LRIG2: variants seen among roughly 807,000 people sequenced by gnomAD.
LRIG2 encodes the protein leucine-rich repeats and immunoglobulin-like domains protein 2.
Under a neutral mutation model 107.8 loss-of-function variants are expected in LRIG2, and 93 were observed. That is an observed-to-expected ratio of 0.86 (90% confidence interval 0.73 to 1.03). The LOEUF is 1.03. Among genes scored for constraint, LRIG2 ranks in the 50% least tolerant of loss-of-function variants. The pLI, the probability that LRIG2 is intolerant of heterozygous loss-of-function variation, is 0.00. For missense variants in LRIG2, 1,226 were observed against 1,296.0 expected, an observed-to-expected ratio of 0.95 and a Z score of 0.83; for synonymous variants, 471 against 470.6, an observed-to-expected ratio of 1.00 and a Z score of -0.01.
At chr1:113,108,404 A>C (rs1359699541) in intron 12 of LRIG2, among the ~76,000 whole-genome samples, 1 of 150,956 alleles carries the variant, frequency 6.6e-6, no homozygotes, top group Non-Finnish European at 1.5e-5. Flanking sequence ...TTGTATGTTT[A>C]GTAGAGACGG....
At chr1:113,096,623 T>G (rs1654080499) in intron 8 of LRIG2, among the ~76,000 whole-genome samples, 1 of 152,204 alleles carries the variant, frequency 6.6e-6, no homozygotes, top group East Asian at 1.9e-4. Flanking sequence ...TTGTGTTAGT[T>G]GCTGTGGAAT....
intron 16 of LRIG2, among the ~76,000 whole-genome samples, chr1:113,118,119 A>G (rs1167677904): frequency 6.6e-6 from 1 of 151,768 alleles, no homozygotes; most frequent in Non-Finnish European, 1.5e-5. Flanking sequence ...GGGTTTCACC[A>G]TATTGGCCAG....
intron 11 of LRIG2, among the ~76,000 whole-genome samples, chr1:113,101,365 C>T (rs1472746226): frequency 6.6e-6 from 1 of 151,876 alleles, no homozygotes; most frequent in Non-Finnish European, 1.5e-5. Flanking sequence ...ACCGGTCCCG[C>T]CTGGTATTAT....
At chr1:113,097,350 C>G (rs564988643) in intron 8 of LRIG2, among the ~76,000 whole-genome samples, 8 of 152,036 alleles carry the variant, frequency 5.3e-5, no homozygotes, top group Admixed American at 4.6e-4. Context: ...CATTAGGTTT[C>G]GAGTTGAAAT....
chr1:113,087,948 C>T (rs1020826832), intron 1 of LRIG2, among the ~76,000 whole-genome samples: 1 of 152,176 alleles, frequency 6.6e-6, no homozygotes, highest in African/African-American at 2.4e-5. Context: ...GCTTACAACC[C>T]TAGCGCTTAG....
chr1:113,118,241 A>C lies in LRIG2; in HGVS notation c.2681-992A>C, dbSNP rs578016583. Reference sequence around the variant, plus strand: ...GCCTGTTGCATGATTTTGAATAAGTAACTCACTCTTTATTTCTCACTCTCT... The same window carrying C: ...GCCTGTTGCATGATTTTGAATAAGTCACTCACTCTTTATTTCTCACTCTCT... On this transcript the variant is annotated intron_variant, in intron 16 of 17. Transcript: ENST00000361127. Among the ~76,000 whole-genome samples the C allele has an allele frequency of 2.0e-5, 3 of 152,284 alleles. No homozygotes were observed. The South Asian group carries it at 6.2e-4, about 32-fold the overall frequency.
rs1159769900 is a variant in LRIG2 at position 113,128,163 on chromosome 1, C to G, written c.*4062C>G. The G allele has an allele frequency of 2.0e-5, 3 of 149,912 alleles. No individual in the cohort carries two copies. The highest frequency in any genetic ancestry group is 3.0e-5 in the Non-Finnish European group (2 of 66,890). The allele number at this position is 149,912 out of a possible 1,614,324, so 9.3% of individuals were successfully genotyped here. ...CATTTATTCATACTTATTTTCAATC[C>G]TAAGTGTTCTCCCATGGGCAGCAGC... On this transcript the variant is annotated 3_prime_UTR_variant, in exon 18 of 18. Transcript: ENST00000361127.
At chr1:113,092,197 G>C (rs1422454700) in intron 2 of LRIG2, among the ~76,000 whole-genome samples, 1 of 152,170 alleles carries the variant, frequency 6.6e-6, no homozygotes, top group East Asian at 1.9e-4. Flanking sequence ...GAGCTTTATT[G>C]CATGGACTTT....
At chr1:113,123,193 A>G (rs557438444) in intron 17 of LRIG2, among the ~76,000 whole-genome samples, 1 of 152,244 alleles carries the variant, frequency 6.6e-6, no homozygotes, top group Non-Finnish European at 1.5e-5. Context: ...CACTGAATCA[A>G]TGATTATTAC....
At chr1:113,077,487 G>A (rs1241685884) in intron 1 of LRIG2, among the ~76,000 whole-genome samples, 3 of 152,090 alleles carry the variant, frequency 2.0e-5, no homozygotes, top group Non-Finnish European at 4.4e-5. Context: ...AACCAGTGCT[G>A]TACTTGATTA....
intron 8 of LRIG2, among the ~76,000 whole-genome samples, chr1:113,097,126 T>TA (rs1399277154): frequency 6.6e-6 from 1 of 151,942 alleles, no homozygotes; most frequent in Admixed American, 6.6e-5. Flanking sequence ...TGTGGTTCTG[T>TA]AAGTTATTCA....
chr1:113,125,208 TAAG>T lies in LRIG2; in HGVS notation c.*1111_*1113del, dbSNP rs1655438030. Reference sequence around the variant, plus strand: ...TAAAAAGTTTTAAAAACTTACTTGTTAAGAAGTGTATCTATAGAGGCAGCTACT... The same window carrying T: ...TAAAAAGTTTTAAAAACTTACTTGTTAAGTGTATCTATAGAGGCAGCTACT... On this transcript the variant is annotated 3_prime_UTR_variant, in exon 18 of 18. Coordinates refer to ENST00000361127, the MANE Select transcript of LRIG2 (RefSeq NM_014813.3). 6.6e-6 allele frequency: 1 copy of T among 152,172 alleles called. No homozygotes were observed. Among genetic ancestry groups the T allele is most frequent in the Non-Finnish European group, 1.5e-5 (1 of 68,018 alleles). The allele number at this position is 152,172 out of a possible 1,614,324, so 9.4% of individuals were successfully genotyped here.
chr1:113,101,972 G>A (rs966441758), intron 11 of LRIG2, among the ~76,000 whole-genome samples: 1 of 151,674 alleles, frequency 6.6e-6, no homozygotes. Flanking sequence ...TATCTCATCA[G>A]GTAACAACTG....
intron 8 of LRIG2, among the ~76,000 whole-genome samples, chr1:113,097,494 C>T (rs903454219): frequency 1.5e-4 from 23 of 152,004 alleles, no homozygotes; most frequent in Non-Finnish European, 2.8e-4. Context: ...TAGATTTGGC[C>T]TTGAAAAATT....
intron 1 of LRIG2, among the ~76,000 whole-genome samples, chr1:113,087,097 GT>G (rs1653588582): frequency 6.6e-6 from 1 of 152,128 alleles, no homozygotes; most frequent in African/African-American, 2.4e-5. Flanking sequence ...GAGGTGTGAT[GT>G]CACCACTGCA....
At chr1:113,107,342 A>G (rs1270962746) in intron 11 of LRIG2, among the ~76,000 whole-genome samples, 3 of 152,098 alleles carry the variant, frequency 2.0e-5, no homozygotes, top group Admixed American at 1.3e-4. Flanking sequence ...ATTTCATTTT[A>G]TTGTAATGAT....
At chr1:113,074,116 T>G (rs1652845655) in intron 1 of LRIG2, among the ~76,000 whole-genome samples, 1 of 152,152 alleles carries the variant, frequency 6.6e-6, no homozygotes, top group Non-Finnish European at 1.5e-5. Flanking sequence ...ATGAACTGTC[T>G]TTAGTCCTTA....
chr1:113,104,026 CTGTT>C (rs1654423922), intron 11 of LRIG2, among the ~76,000 whole-genome samples: 1 of 152,314 alleles, frequency 6.6e-6, no homozygotes, highest in Middle Eastern at 3.4e-3. Flanking sequence ...TGAATCCCCT[CTGTT>C]TGAGCCCCTG....
At chr1:113,119,564 G>A (rs367898905) in intron 17 of LRIG2, 41 bp downstream of exon 17, 13 of 1,581,264 alleles carry the variant, frequency 8.2e-6, no homozygotes, top group South Asian at 3.5e-5. Context: ...TTTTACTTTC[G>A]TCTAATTGAC....
Sources: gnomAD v4.1 joint callset for allele counts (sites outside exome capture counted in the v4.1 genomes callset) on GRCh38, gnomAD v4.1.1 for gene constraint, MANE v1.5 for transcripts, NCBI Gene and HGNC (gene_info 2026-07-23, HGNC 2026-07-21) for gene names.